CYP7B1: variants seen among roughly 807,000 people sequenced by gnomAD.
The protein encoded by CYP7B1 is cytochrome P450 7B1.
Under a neutral mutation model 42.7 loss-of-function variants are expected in CYP7B1, and 29 were observed. That is an observed-to-expected ratio of 0.68 (90% CI 0.51 to 0.93). The LOEUF (loss-of-function observed/expected upper bound fraction) is 0.93. CYP7B1 is among the 40% of genes least tolerant of loss of function. CYP7B1 has a pLI of 0.00. For missense variants in CYP7B1, 655 were observed against 600.5 expected (o/e 1.09, Z -0.95); for synonymous variants, 235 against 218.2 (o/e 1.08, Z -0.68).
chr8:64,750,378 T>A (rs1333283386), intron 1 of CYP7B1, among the ~76,000 whole-genome samples: 1 of 152,194 alleles, frequency 6.6e-6, no homozygotes, highest in East Asian at 1.9e-4. Flanking sequence ...TTTCACAGGC[T>A]TAAAACATCT....
intron 1 of CYP7B1, among the ~76,000 whole-genome samples, chr8:64,681,971 T>A (rs145613859): frequency 9.2e-5 from 14 of 152,298 alleles, no homozygotes; most frequent in Non-Finnish European, 1.5e-4. Context: ...TTGTAGCCAA[T>A]GTAGAAGCAT....
At chr8:64,616,360 T>C in intron 2 of CYP7B1, 79 bp from the exon 3 acceptor site, 2 of 952,814 alleles carry the variant, frequency 2.1e-6, no homozygotes, top group East Asian at 5.2e-5. Flanking sequence ...TTAAAAAATA[T>C]GTTAATCAAA....
chr8:64,798,569 CG>C lies in CYP7B1; in HGVS notation c.18del (p.Ala7ArgfsTer42). On this transcript the variant is annotated frameshift_variant, in exon 1 of 6. Transcript: ENST00000310193. LOFTEE classifies it high-confidence loss of function. MAGEV[S>X]AATGRFSLER... ...TCCAGCGAAAAGCGGCCCGTGGCCGCGGACACTTCTCCTGCCATCCGGCGCG... is the reference window on the plus strand; with the variant it reads ...TCCAGCGAAAAGCGGCCCGTGGCCGCGACACTTCTCCTGCCATCCGGCGCG... 1 of 1,486,974 alleles carries C rather than the reference CG, an allele frequency of 6.7e-7. No homozygotes were observed. The highest frequency in any genetic ancestry group is 8.9e-7 in the Non-Finnish European group (1 of 1,128,056). 92.1% of individuals were successfully genotyped at this position (1,486,974 alleles called of 1,614,324 possible).
At chr8:64,596,958 C>T (rs1805128781) in intron 5 of CYP7B1, 29 bp from the exon 6 acceptor site, 1 of 1,573,098 alleles carries the variant, frequency 6.4e-7, no homozygotes, top group Non-Finnish European at 8.7e-7. Flanking sequence ...TTAAAATTAA[C>T]ATTTTATATG....
chr8:64,772,810 C>A (rs1402136575), intron 1 of CYP7B1, among the ~76,000 whole-genome samples: 1 of 152,116 alleles, frequency 6.6e-6, no homozygotes, highest in African/African-American at 2.4e-5. Context: ...TATGTAGTTC[C>A]CTCACTTCAC....
intron 1 of CYP7B1, among the ~76,000 whole-genome samples, chr8:64,783,326 C>T (rs1343811339): frequency 6.6e-6 from 1 of 152,138 alleles, no homozygotes; most frequent in Non-Finnish European, 1.5e-5. Context: ...TTATGTGATA[C>T]AGTGATGTCA....
intron 1 of CYP7B1, among the ~76,000 whole-genome samples, chr8:64,658,727 G>T (rs1289050264): frequency 6.6e-6 from 1 of 152,166 alleles, no homozygotes; most frequent in Non-Finnish European, 1.5e-5. Flanking sequence ...TCCTCTGGCT[G>T]CACATCCAGG....
intron 1 of CYP7B1, among the ~76,000 whole-genome samples, chr8:64,683,223 A>T (rs1585852738): frequency 6.6e-6 from 1 of 152,230 alleles, no homozygotes; most frequent in African/African-American, 2.4e-5. Flanking sequence ...AATATAGAAT[A>T]TGTGGTACAT....
intron 1 of CYP7B1, among the ~76,000 whole-genome samples, chr8:64,727,473 C>T (rs1807340753): frequency 6.6e-6 from 1 of 152,128 alleles, no homozygotes; most frequent in Non-Finnish European, 1.5e-5. Flanking sequence ...GGTATTCACA[C>T]AATATGTACA....
intron 1 of CYP7B1, among the ~76,000 whole-genome samples, chr8:64,733,560 G>A (rs1035043952): frequency 6.6e-6 from 1 of 152,054 alleles, no homozygotes; most frequent in East Asian, 1.9e-4. Context: ...TCTACCATAC[G>A]CTAGTACTGC....
intron 4 of CYP7B1, among the ~76,000 whole-genome samples, chr8:64,611,108 C>T (rs73689555): frequency 1.2e-3 from 183 of 152,212 alleles, no homozygotes; most frequent in African/African-American, 4.2e-3. Flanking sequence ...ACATGCACAT[C>T]ATGCCTGGCT....
At chr8:64,746,931 G>T (rs776609458) in intron 1 of CYP7B1, among the ~76,000 whole-genome samples, 17 of 151,402 alleles carry the variant, frequency 1.1e-4, no homozygotes, top group Non-Finnish European at 2.1e-4. Context: ...TCACTTTATA[G>T]AATATTTTAT....
At chr8:64,676,241 C>G (rs746217979) in intron 1 of CYP7B1, among the ~76,000 whole-genome samples, 1 of 152,026 alleles carries the variant, frequency 6.6e-6, no homozygotes, top group Non-Finnish European at 1.5e-5. Flanking sequence ...ATTTTAGGCA[C>G]TAAGAATATA....
intron 1 of CYP7B1, among the ~76,000 whole-genome samples, chr8:64,691,741 C>T (rs537418811): frequency 6.6e-6 from 1 of 152,254 alleles, no homozygotes; most frequent in East Asian, 1.9e-4. Flanking sequence ...GCTGGACAGG[C>T]CCTTACTGCT....
At chr8:64,624,350 G>T in intron 2 of CYP7B1, 53 bp downstream of exon 2, 1 of 1,546,944 alleles carries the variant, frequency 6.5e-7, no homozygotes, top group South Asian at 1.2e-5. Context: ...AGACATTAAA[G>T]AACAAGTGAA....
At chr8:64,644,454 T>G (rs999089478) in intron 1 of CYP7B1, among the ~76,000 whole-genome samples, 1 of 152,186 alleles carries the variant, frequency 6.6e-6, no homozygotes, top group Admixed American at 6.5e-5. Context: ...GGCAGCCATA[T>G]TCTTAGGAAA....
chr8:64,758,963 A>C (rs554260944), intron 1 of CYP7B1, among the ~76,000 whole-genome samples: 1 of 152,208 alleles, frequency 6.6e-6, no homozygotes, highest in African/African-American at 2.4e-5. Context: ...AGACAATTTT[A>C]ACCACCATCT....
At chr8:64,638,867 A>G (rs1162906144) in intron 1 of CYP7B1, among the ~76,000 whole-genome samples, 2 of 151,778 alleles carry the variant, frequency 1.3e-5, no homozygotes, top group African/African-American at 4.8e-5. Context: ...ATGAACATGT[A>G]TATGTATTTT....
chr8:64,680,454 C>T (rs530976348), intron 1 of CYP7B1, among the ~76,000 whole-genome samples: 33 of 152,084 alleles, frequency 2.2e-4, no homozygotes, highest in African/African-American at 8.0e-4. Context: ...ACAGCAGTCC[C>T]AAATTTCTAC....
Sources: allele counts gnomAD v4.1 joint callset (sites outside exome capture counted in the v4.1 genomes callset), GRCh38; gene constraint gnomAD v4.1.1; transcripts MANE v1.5; gene names NCBI Gene and HGNC (gene_info 2026-07-23, HGNC 2026-07-21).